Variants in CORO2B observed in about 807,000 individuals in gnomAD.
The protein encoded by CORO2B is coronin-2B.
CORO2B carries 26 observed loss-of-function variants against 58.8 expected under a neutral mutation model. The ratio of observed to expected loss-of-function variants is 0.44; its 90% CI spans 0.32 to 0.61. CORO2B has a LOEUF of 0.61. CORO2B is among the 20% of genes least tolerant of loss of function. The probability of loss-of-function intolerance (pLI) is 0.04; values close to 1 mark genes in which losing one functional copy is unlikely to be tolerated. For missense variants in CORO2B, 460 were observed against 645.1 expected, an observed-to-expected ratio of 0.71 and a Z score of 3.11; for synonymous variants, 242 against 253.8, an observed-to-expected ratio of 0.95 and a Z score of 0.44.
chr15:68,527,316 A>T, the CORO2B span, among the ~76,000 whole-genome samples: 5 of 151,794 alleles, frequency 3.3e-5, no homozygotes, highest in African/African-American at 1.2e-4. Context: ...TTTTCCTATC[A>T]GTTTAACAGT....
chr15:68,562,926 G>A, the CORO2B span, among the ~76,000 whole-genome samples: 1 of 148,208 alleles, frequency 6.7e-6, no homozygotes, highest in Non-Finnish European at 1.5e-5. Context: ...GCAGTGAGCC[G>A]AGATCATGCC....
chr15:68,610,720 A>AC (rs11428872), intron 1 of CORO2B, among the ~76,000 whole-genome samples: 26,711 of 152,128 alleles, frequency 0.18, 2,660 homozygotes, highest in African/African-American at 0.27. Flanking sequence ...AGAGTAGGGT[A>AC]CTCTGAGGCC....
At position 68,634,348 on chromosome 15, in the gene CORO2B, G is replaced by A. The variant is rs191645501; in HGVS notation, c.16-10812G>A. Among the ~76,000 whole-genome samples the A allele has an allele frequency of 4.3e-3, 653 of 152,310 alleles. 6 individuals are homozygous for A. The highest frequency in any genetic ancestry group is 0.015 in the African/African-American group (625 of 41,562). ...CTGGCCGGCAGGGTGGTTGTCAGGG[G>A]CAAACCCAAAGCACTTTTGAAGGTG... On this transcript the variant is annotated intron_variant, in intron 1 of 11. Transcript: ENST00000261861.
At chr15:68,647,684 C>A (rs1595987883) in intron 2 of CORO2B, among the ~76,000 whole-genome samples, 1 of 97,588 alleles carries the variant, frequency 1.0e-5, no homozygotes, top group African/African-American at 4.7e-5. Context: ...ATCGAAACTC[C>A]ATCTCAAAAA....
the CORO2B span, among the ~76,000 whole-genome samples, chr15:68,551,720 T>C: frequency 6.6e-6 from 1 of 152,184 alleles, no homozygotes; most frequent in Non-Finnish European, 1.5e-5. Flanking sequence ...TAGACTAAGG[T>C]CTATTTTTAA....
chr15:68,538,726 C>T, the CORO2B span, among the ~76,000 whole-genome samples: 2 of 151,416 alleles, frequency 1.3e-5, no homozygotes, highest in African/African-American at 4.9e-5. Flanking sequence ...ACAAAAAAAA[C>T]CCAGCTTTAC....
At chr15:68,698,459 C>G (rs1451364571) in intron 3 of CORO2B, among the ~76,000 whole-genome samples, 1 of 152,160 alleles carries the variant, frequency 6.6e-6, no homozygotes, top group Non-Finnish European at 1.5e-5. Flanking sequence ...GCCTCATGCT[C>G]CAGGACCCCA....
At chr15:68,603,370 A>G (rs1278412457) in intron 1 of CORO2B, among the ~76,000 whole-genome samples, 1 of 152,186 alleles carries the variant, frequency 6.6e-6, no homozygotes, top group Non-Finnish European at 1.5e-5. Context: ...TCTTAAAAAA[A>G]CACACTTGCT....
chr15:68,663,008 G>A (rs1463551791), intron 2 of CORO2B, among the ~76,000 whole-genome samples: 4 of 150,776 alleles, frequency 2.7e-5, no homozygotes, highest in Admixed American at 1.3e-4. Flanking sequence ...CTGGTTTATC[G>A]TGAGCTTTTT....
the CORO2B span, among the ~76,000 whole-genome samples, chr15:68,539,286 G>A: frequency 6.6e-6 from 1 of 152,166 alleles, no homozygotes; most frequent in Non-Finnish European, 1.5e-5. Context: ...TATTTAATGG[G>A]CCCATCTCCA....
At chr15:68,632,052 C>A (rs1385091238) in intron 1 of CORO2B, 3 of 985,350 alleles carry the variant, frequency 3.0e-6, no homozygotes, top group Non-Finnish European at 3.6e-6. Flanking sequence ...AGCCAGGCCT[C>A]CCAGGCTCCC....
chr15:68,610,222 C>T (rs942153778), intron 1 of CORO2B, among the ~76,000 whole-genome samples: 1 of 152,124 alleles, frequency 6.6e-6, no homozygotes, highest in Non-Finnish European at 1.5e-5. Context: ...TCAATGGATG[C>T]GCCCAGAAGA....
chr15:68,670,849 C>T (rs1902368044), intron 2 of CORO2B, among the ~76,000 whole-genome samples: 1 of 152,158 alleles, frequency 6.6e-6, no homozygotes, highest in East Asian at 1.9e-4. Context: ...TCTTGAGTTG[C>T]TGACAGGAGT....
chr15:68,618,070 C>CT (rs1566986554), intron 1 of CORO2B, among the ~76,000 whole-genome samples: 1 of 152,122 alleles, frequency 6.6e-6, no homozygotes, highest in African/African-American at 2.4e-5. Flanking sequence ...GGCTTTCAGA[C>CT]TTTTTTGCTA....
At position 68,690,989 on chromosome 15, in the gene CORO2B, T is replaced by C. The variant is rs1319696712; in HGVS notation, c.217-4151T>C. On this transcript the variant is annotated intron_variant, in intron 2 of 11. Transcript: ENST00000261861. ...TAGCTTTCTCAGACAACATGTTTTC[T>C]TGGAGTTAATAATTGCATTTTTAAA... 1.4e-4 allele frequency among the ~76,000 whole-genome samples: 21 copies of C among 151,846 alleles called. 1 individual carries two copies. Among genetic ancestry groups the C allele is most frequent in the Admixed American group, 1.4e-3 (21 of 15,258 alleles).
chr15:68,613,237 G>A (rs1349527716), intron 1 of CORO2B, among the ~76,000 whole-genome samples: 2 of 152,170 alleles, frequency 1.3e-5, no homozygotes, highest in Non-Finnish European at 2.9e-5. Flanking sequence ...TAAAAACTGA[G>A]ACTATTACTA....
intron 2 of CORO2B, among the ~76,000 whole-genome samples, chr15:68,662,205 TA>T (rs907561970): frequency 3.9e-5 from 6 of 152,184 alleles, no homozygotes; most frequent in Non-Finnish European, 8.8e-5. Context: ...TTGCTGATGT[TA>T]AATTATCTGA....
rs76282267 is a variant in CORO2B at position 68,645,129 on chromosome 15, C to G, written c.16-31C>G. 1.8e-3 allele frequency: 2,927 copies of G among 1,609,012 alleles called. 44 individuals are homozygous for G. The African/African-American group carries it at 0.034, about 19-fold the overall frequency. On this transcript the variant is annotated intron_variant, in intron 1 of 11. Coordinates refer to ENST00000261861, the MANE Select transcript of CORO2B (RefSeq NM_006091.5). This position sits in a 1 kb window ranked among gnomAD's most constrained non-coding sequence, Gnocchi z 4.5. Reference sequence around the variant, plus strand: ...AGGCCCTTCATGGCACAGGGCCCAGCCTGACCCTTGTCTCTCCTGGCCCCT... The same window carrying G: ...AGGCCCTTCATGGCACAGGGCCCAGGCTGACCCTTGTCTCTCCTGGCCCCT...
At chr15:68,666,196 G>A (rs567388700) in intron 2 of CORO2B, among the ~76,000 whole-genome samples, 3 of 152,162 alleles carry the variant, frequency 2.0e-5, no homozygotes, top group Admixed American at 6.5e-5. Flanking sequence ...GAAGAGGCTC[G>A]AACAGATAAT....
Sources: gnomAD v4.1 joint callset for allele counts (sites outside exome capture counted in the v4.1 genomes callset) on GRCh38, gnomAD v4.1.1 for gene constraint, Gnocchi (gnomAD v3.1) non-coding constraint, MANE v1.5 for transcripts, NCBI Gene and HGNC (gene_info 2026-07-23, HGNC 2026-07-21) for gene names.